The following CYP26C1 variants were observed in gnomAD, a reference collection of about 807,000 sequenced individuals.
The protein encoded by CYP26C1 is cytochrome P450 family 26 subfamily C member 1, also known as cytochrome P450 26C1.
A neutral mutation model predicts 39.1 loss-of-function variants in CYP26C1; 41 were observed. The ratio of observed to expected loss-of-function variants is 1.05; its 90% CI spans 0.82 to 1.36. CYP26C1 has a LOEUF of 1.36. Ranked by LOEUF, CYP26C1 falls within the 40% of genes most tolerant of loss-of-function variation. The probability of loss-of-function intolerance (pLI) is 0.00; values close to 1 mark genes in which losing one functional copy is unlikely to be tolerated. For synonymous variants in CYP26C1, 362 were observed against 350.8 expected, an observed-to-expected ratio of 1.03 and a Z score of -0.36; for missense variants, 833 against 752.0, an observed-to-expected ratio of 1.11 and a Z score of -1.26.
intron 2 of CYP26C1, among the ~76,000 whole-genome samples, chr10:93,062,476 C>G (rs902683780): frequency 1.3e-5 from 2 of 152,236 alleles, no homozygotes; most frequent in Admixed American, 6.5e-5. Context: ...GCTGGAGACT[C>G]AGACCTAGAA....
At position 93,066,159 on chromosome 10, in the gene CYP26C1, G is replaced by A. The variant is rs967642748; in HGVS notation, c.1065G>A (p.Glu355=). Residue 355 remains glutamate, a synonymous_variant, in exon 5 of 6, where the codon GAG becomes GAA. Coordinates refer to ENST00000651965, the MANE Select transcript of CYP26C1 (RefSeq NM_183374.3). ...GGCCCCCGCCCGACTGCGGCTGCGA[G>A]CCCGACCTCAGCCTCGCGGCGCTGG... ...SEGPPPDCGC[E]PDLSLAALGR... is the part of the protein sequence containing the mutation. 6.4e-6 allele frequency: 9 copies of A among 1,414,788 alleles called. No individual in the cohort carries two copies. In the East Asian group the frequency reaches 8.6e-5, roughly 14 times the overall value. The allele number at this position is 1,414,788 out of a possible 1,614,324, so 87.6% of individuals were successfully genotyped here.
In CYP26C1 at chr10:93,067,052, C is replaced by T. The variant is rs914477253; in HGVS notation, c.1191+767C>T. On this transcript the variant is annotated intron_variant, in intron 5 of 5. Transcript: ENST00000651965. ...GCCTGAAAGGCTGTCGTTGCAGTCC[C>T]CTGAGCACCATGCTTGGTGGCTGGG... 3.9e-5 allele frequency among the ~76,000 whole-genome samples: 6 copies of T among 152,352 alleles called. No homozygotes were observed. The South Asian group carries it at 1.2e-3, about 32-fold the overall frequency.
chr10:93,068,368 A>G lies in CYP26C1; in HGVS notation c.1240A>G (p.Thr414Ala). ...GWSVMYSIRD[T>A]HETAAVYRSP... ...GAGCGTGATGTATAGCATCCGGGACACGCACGAGACGGCTGCGGTGTACCG... is the reference window on the plus strand; with the variant it reads ...GAGCGTGATGTATAGCATCCGGGACGCGCACGAGACGGCTGCGGTGTACCG... The change falls in exon 6 of 6, where the codon ACG (threonine) becomes GCG (alanine). Residue 414 changes from threonine (T) to alanine (A), a missense_variant. Transcript: ENST00000651965. 1 of 1,571,002 alleles carries G rather than the reference A, an allele frequency of 6.4e-7. No homozygotes were observed. Among genetic ancestry groups the G allele is most frequent in the Non-Finnish European group, 8.6e-7 (1 of 1,161,448 alleles).
At chr10:93,066,634 G>C (rs1846833499) in intron 5 of CYP26C1, among the ~76,000 whole-genome samples, 1 of 152,236 alleles carries the variant, frequency 6.6e-6, no homozygotes, top group African/African-American at 2.4e-5. Context: ...CTCCCAGCCA[G>C]TGAGTGTGGA....
chr10:93,067,334 G>T (rs1233425699), intron 5 of CYP26C1, among the ~76,000 whole-genome samples: 3 of 152,250 alleles, frequency 2.0e-5, no homozygotes. Flanking sequence ...GCAGTGAAAG[G>T]TTTGGACGGG....
chr10:93,065,994 C>A lies in CYP26C1; in HGVS notation c.900C>A (p.Thr300=), dbSNP rs535544694. 265 of 1,584,944 alleles carry A rather than the reference C, an allele frequency of 1.7e-4. 3 individuals are homozygous for A. The South Asian group carries it at 2.9e-3, about 17-fold the overall frequency. The stretch of plus-strand genomic sequence containing the variant: ...AGCTCCTCTTCGCCGCCTTCTTCAC[C>A]ACGGCCAGTGCCAGCACCTCGCTCG... ...AVELLFAAFF[T]TASASTSLVL... is the part of the protein sequence containing the mutation. Residue 300 remains threonine, a synonymous_variant, in exon 5 of 6, where the codon ACC becomes ACA. Coordinates refer to ENST00000651965, the MANE Select transcript of CYP26C1 (RefSeq NM_183374.3).
chr10:93,064,394 G>A lies in CYP26C1; in HGVS notation c.719G>A (p.Arg240Lys), dbSNP rs1315871866. ...FSGLRKGIRA[R>K]DQLHRHLEGA... ...CCTGAACATCAGGGCATCCGGGCAA[G>A]GGACCAGCTGCATCGGCACCTGGAG... is the stretch of plus-strand genomic sequence containing the variant. Residue 240 changes from arginine to lysine, a missense_variant, in exon 4 of 6, where the codon AGG becomes AAG. Physicochemically the swap from Arg to Lys is conservative, Grantham distance 26. Transcript: ENST00000651965. 7.4e-6 allele frequency: 12 copies of A among 1,613,778 alleles called. No homozygotes were observed. The highest frequency in any genetic ancestry group is 1.3e-5 in the African/African-American group (1 of 74,938).
chr10:93,062,286 CAT>C (rs1183725891), intron 2 of CYP26C1, 52 bp downstream of exon 2: 5 of 1,475,974 alleles, frequency 3.4e-6, no homozygotes, highest in Admixed American at 4.3e-5. Flanking sequence ...CGGTCCCCGG[CAT>C]CTGCCATGGG....
chr10:93,068,204 G>C, intron 5 of CYP26C1, 116 bp from the exon 6 acceptor site: 1 of 1,289,114 alleles, frequency 7.8e-7, no homozygotes, highest in Non-Finnish European at 1.0e-6. Context: ...CGGGTTAATC[G>C]CGGATTCCTC....
rs1185436664 is a variant in CYP26C1, at chr10:93,063,054, C to T, written c.705+59C>T. The T allele has an allele frequency of 2.0e-6, 3 of 1,498,798 alleles. No homozygotes were observed. The African/African-American group carries it at 4.3e-5, about 21-fold the overall frequency. The allele number at this position is 1,498,798 out of a possible 1,614,324, so 92.8% of individuals were successfully genotyped here. ...GGCTCCGCGGCGCGGGCGGGCCTCCCAGACCCAGACGGGACGCCCTCGGCG... is the reference window on the plus strand; with the variant it reads ...GGCTCCGCGGCGCGGGCGGGCCTCCTAGACCCAGACGGGACGCCCTCGGCG... On this transcript the variant is annotated intron_variant, in intron 3 of 5. Transcript: ENST00000651965.
chr10:93,067,564 G>T (rs1273611927), intron 5 of CYP26C1, among the ~76,000 whole-genome samples: 3 of 152,198 alleles, frequency 2.0e-5, no homozygotes, highest in African/African-American at 7.2e-5. Context: ...AGAGGAAAGA[G>T]AGCTCCTGGG....
rs531632892 is a variant in CYP26C1, at chr10:93,061,204, C to A, written c.-60C>A. Reference sequence around the variant, plus strand: ...TGAGCACTGCGCACTGCTCGCGCCCCGGTTCTTGCGTCCCCTGCTCTCCCT... The same window carrying A: ...TGAGCACTGCGCACTGCTCGCGCCCAGGTTCTTGCGTCCCCTGCTCTCCCT... On this transcript the variant is annotated 5_prime_UTR_variant, in exon 1 of 6. Coordinates refer to ENST00000651965, the MANE Select transcript of CYP26C1 (RefSeq NM_183374.3). 6 of 1,526,056 alleles carry A rather than the reference C, an allele frequency of 3.9e-6. No individual in the cohort carries two copies. The highest frequency in any genetic ancestry group is 5.3e-6 in the Non-Finnish European group (6 of 1,136,850). The allele number at this position is 1,526,056 out of a possible 1,614,324, so 94.5% of individuals were successfully genotyped here.
At chr10:93,066,408 C>CACCT in intron 5 of CYP26C1, 123 bp downstream of exon 5, 1 of 987,046 alleles carries the variant, frequency 1.0e-6, no homozygotes, top group East Asian at 3.4e-5. Flanking sequence ...ACGGCGCGGT[C>CACCT]ACCTCTTTTG....
intron 5 of CYP26C1, among the ~76,000 whole-genome samples, chr10:93,067,554 A>C (rs1170599788): frequency 6.6e-6 from 1 of 152,224 alleles, no homozygotes; most frequent in African/African-American, 2.4e-5. Context: ...TGATGTCTAG[A>C]GAGGAAAGAG....
In CYP26C1 at chr10:93,066,198, C is replaced by A; in HGVS notation, c.1104C>A (p.Tyr368Ter). The A allele has an allele frequency of 6.8e-7, 1 of 1,475,144 alleles. No individual in the cohort carries two copies. Among genetic ancestry groups the A allele is most frequent in the South Asian group, 1.4e-5 (1 of 73,292 alleles). 91.4% of individuals were successfully genotyped at this position (1,475,144 alleles called of 1,614,324 possible). The change falls in exon 5 of 6, where the codon TAC becomes TAA. Residue 368 changes from tyrosine to a stop codon, truncating the protein, a stop_gained. Transcript: ENST00000651965. LOFTEE classifies it high-confidence loss of function. ...TCGCGGCGCTGGGCCGTCTGCGCTACGTCGACTGCGTGGTCAAGGAGGTGC... is the reference window on the plus strand; with the variant it reads ...TCGCGGCGCTGGGCCGTCTGCGCTAAGTCGACTGCGTGGTCAAGGAGGTGC... ...LSLAALGRLR[Y>*]VDCVVKEVLR...
intron 1 of CYP26C1, 63 bp downstream of exon 1, chr10:93,061,530 C>T (rs1846749085): frequency 6.6e-7 from 1 of 1,524,194 alleles, no homozygotes; most frequent in Non-Finnish European, 8.9e-7. Context: ...CCCACTGGAC[C>T]CTCCTCAGTC....
In CYP26C1 at chr10:93,064,554, G is replaced by A. The variant is rs779801810; in HGVS notation, c.861+18G>A. The A allele has an allele frequency of 1.3e-5, 21 of 1,603,504 alleles. No individual in the cohort carries two copies. Among genetic ancestry groups the A allele is most frequent in the Middle Eastern group, 1.7e-4 (1 of 5,992 alleles). Reference sequence around the variant, plus strand: ...AGCTGAAGGTAGGTGCTGACAGGCCGCTCCTTCTCCCCTCTTTTGCATTCC... The same window carrying A: ...AGCTGAAGGTAGGTGCTGACAGGCCACTCCTTCTCCCCTCTTTTGCATTCC... On this transcript the variant is annotated intron_variant, in intron 4 of 5. Coordinates refer to ENST00000651965, the MANE Select transcript of CYP26C1 (RefSeq NM_183374.3).
chr10:93,066,130 G>A lies in CYP26C1; in HGVS notation c.1036G>A (p.Glu346Lys), dbSNP rs777233110. 805 of 1,339,498 alleles carry A rather than the reference G, an allele frequency of 6.0e-4. No individual in the cohort carries two copies. The highest frequency in any genetic ancestry group is 7.2e-4 in the Non-Finnish European group (756 of 1,049,686). 83.0% of individuals were successfully genotyped at this position (1,339,498 alleles called of 1,614,324 possible). A position where few individuals can be genotyped will look rare whatever the true frequency, so the allele number is the denominator to read the frequency against. ...CGCGCCCGGGGCCGCTGGGGGCAGC[G>A]AGGGGCCCCCGCCCGACTGCGGCTG... The part of the protein sequence containing the change: ...GCAPGAAGGS[E>K]GPPPDCGCEP... The change falls in exon 5 of 6, where the codon GAG (glutamate) becomes AAG (lysine). Residue 346 changes from glutamate to lysine, a missense_variant. Glu to Lys is a moderately conservative substitution (Grantham distance 56). Transcript: ENST00000651965.
At chr10:93,062,257 C>A (rs1304815568) in intron 2 of CYP26C1, 23 bp downstream of exon 2, 18 of 1,501,336 alleles carry the variant, frequency 1.2e-5, no homozygotes, top group Non-Finnish European at 1.4e-5. Flanking sequence ...GGGAATGGAC[C>A]GTAGATACGT....
Sources: gnomAD v4.1 joint callset for allele counts (sites outside exome capture counted in the v4.1 genomes callset) on GRCh38, gnomAD v4.1.1 for gene constraint, MANE v1.5 for transcripts, NCBI Gene and HGNC (gene_info 2026-07-23, HGNC 2026-07-21) for gene names.